The following IQCH variants were observed in gnomAD, a reference collection of about 807,000 sequenced individuals.
IQCH encodes the protein IQ motif containing H.
A neutral mutation model predicts 117.0 loss-of-function variants in IQCH; 98 were observed. That is an observed-to-expected ratio of 0.84 (90% CI 0.71 to 0.99). The LOEUF (loss-of-function observed/expected upper bound fraction) is 0.99. Among genes scored for constraint, IQCH ranks in the 50% least tolerant of loss-of-function variants. IQCH has a pLI of 0.00. For missense variants in IQCH, 1,102 were observed against 1,243.8 expected, an observed-to-expected ratio of 0.89 and a Z score of 1.72; for synonymous variants, 412 against 448.2, an observed-to-expected ratio of 0.92 and a Z score of 1.02.
At chr15:67,281,034 T>C (rs1966333702) in intron 4 of IQCH, among the ~76,000 whole-genome samples, 1 of 152,048 alleles carries the variant, frequency 6.6e-6, no homozygotes, top group Non-Finnish European at 1.5e-5. Flanking sequence ...TTAGTAGAGA[T>C]GGGGTTTCAC....
At position 67,465,214 on chromosome 15, in the gene IQCH, T is replaced by C. The variant is rs1430368089; in HGVS notation, c.2593T>C (p.Cys865Arg). 1 of 1,614,168 alleles carries C rather than the reference T, an allele frequency of 6.2e-7. No individual in the cohort carries two copies. ...ATACCTGACAAACGGCCATCTGGAT[T>C]GCAGTTTGAGCACCCTGGAAGTGCC... is the stretch of plus-strand genomic sequence containing the variant. ...TLYLTNGHLDCSLSTLEVPRF... is the reference protein window; with the variant it reads ...TLYLTNGHLDRSLSTLEVPRF... Residue 865 changes from cysteine to arginine, a missense_variant, in exon 17 of 21, where the codon TGC (cysteine) becomes CGC (arginine). This residue lies in a region of IQCH where 650 missense variants were observed against 794.3 expected (regional missense o/e 0.82). Coordinates refer to ENST00000335894, the MANE Select transcript of IQCH (RefSeq NM_001031715.3). This position sits in a 1 kb window ranked among gnomAD's most constrained non-coding sequence, Gnocchi z 5.9.
chr15:67,287,339 G>A (rs184803293), intron 4 of IQCH, among the ~76,000 whole-genome samples: 1 of 152,266 alleles, frequency 6.6e-6, no homozygotes, highest in East Asian at 1.9e-4. Context: ...GTTTGAGTAG[G>A]ATTGGTATTA....
chr15:67,350,075 G>C (rs1030364516), intron 6 of IQCH, among the ~76,000 whole-genome samples: 1 of 152,084 alleles, frequency 6.6e-6, no homozygotes, highest in Non-Finnish European at 1.5e-5. Flanking sequence ...TGTATATGAA[G>C]GTTTGTAATA....
intron 4 of IQCH, among the ~76,000 whole-genome samples, chr15:67,288,092 G>C (rs1011580266): frequency 6.6e-6 from 1 of 151,886 alleles, no homozygotes; most frequent in African/African-American, 2.4e-5. Flanking sequence ...TTATTCCATT[G>C]TGGTCAGAGA....
intron 13 of IQCH, among the ~76,000 whole-genome samples, chr15:67,398,484 G>A (rs1472865863): frequency 6.6e-6 from 1 of 152,118 alleles, no homozygotes; most frequent in Non-Finnish European, 1.5e-5. Context: ...TAATTAGGGA[G>A]CTAAGACAAT....
At chr15:67,299,582 C>G (rs1203970452) in intron 4 of IQCH, among the ~76,000 whole-genome samples, 1 of 151,842 alleles carries the variant, frequency 6.6e-6, no homozygotes, top group African/African-American at 2.4e-5. Flanking sequence ...ACTAGGTATC[C>G]ACAAAAATTA....
At chr15:67,304,418 G>A in intron 4 of IQCH, 1 of 1,531,590 alleles carries the variant, frequency 6.5e-7, no homozygotes, top group Non-Finnish European at 8.8e-7. Flanking sequence ...GCGAACTATG[G>A]AATCAGTTTG....
At chr15:67,280,934 C>T (rs1033749542) in intron 4 of IQCH, among the ~76,000 whole-genome samples, 3 of 152,084 alleles carry the variant, frequency 2.0e-5, no homozygotes, top group African/African-American at 7.3e-5. Context: ...GCAACCTCTG[C>T]CCCTCAGGTT....
In IQCH at chr15:67,287,506, A is replaced by G. The variant is rs142705942; in HGVS notation, c.387+7994A>G. Among the ~76,000 whole-genome samples, 766 of 152,248 alleles carry G rather than the reference A, an allele frequency of 5.0e-3. 8 individuals carry two copies. The highest frequency in any genetic ancestry group is 0.018 in the African/African-American group (733 of 41,552). On this transcript the variant is annotated intron_variant, in intron 4 of 20. Transcript: ENST00000335894. ...TCATGGTTTAGACATAGTAGGGTGT[A>G]TATGTCTAGAAATTTATACATTTCT...
Position 67,366,618 on chromosome 15 carries a change from A to G in IQCH, c.754-5493A>G, listed in dbSNP as rs1368483432. 6.6e-6 allele frequency among the ~76,000 whole-genome samples: 1 copy of G among 152,192 alleles called. No individual in the cohort carries two copies. The highest frequency in any genetic ancestry group is 1.5e-5 in the Non-Finnish European group (1 of 68,042). ...CCTTTACGCTCAAGTCTCTTCTTTT[A>G]TATATCTCTGCTCGATGAGTTCTGT... On this transcript the variant is annotated intron_variant, in intron 8 of 20. Transcript: ENST00000335894. The surrounding 1 kb of genome is among the most constrained non-coding windows in gnomAD (Gnocchi z 4.4).
chr15:67,325,342 G>A (rs192361222), intron 4 of IQCH, among the ~76,000 whole-genome samples: 17 of 151,864 alleles, frequency 1.1e-4, no homozygotes, highest in African/African-American at 3.9e-4. Context: ...CTTAAAATAT[G>A]TATAACACAT....
chr15:67,423,425 C>T (rs909327754), intron 16 of IQCH, among the ~76,000 whole-genome samples: 2 of 151,744 alleles, frequency 1.3e-5, no homozygotes, highest in African/African-American at 4.8e-5. Flanking sequence ...AAAAATTAGC[C>T]GGGCATAGTG....
At chr15:67,291,487 A>T (rs979872682) in intron 4 of IQCH, among the ~76,000 whole-genome samples, 2 of 152,220 alleles carry the variant, frequency 1.3e-5, no homozygotes, top group East Asian at 3.8e-4. Flanking sequence ...CATAAAAAAA[A>T]TACTGTGCTC....
intron 3 of IQCH, among the ~76,000 whole-genome samples, chr15:67,275,929 T>C (rs1966103593): frequency 6.6e-6 from 1 of 152,212 alleles, no homozygotes; most frequent in Non-Finnish European, 1.5e-5. Flanking sequence ...AAGAATTATC[T>C]TAGGAACTAA....
chr15:67,387,784 A>G lies in IQCH; in HGVS notation c.1457-1047A>G, dbSNP rs1971153858. Among the ~76,000 whole-genome samples the G allele has an allele frequency of 6.6e-6, 1 of 152,218 alleles. No homozygotes were observed. The highest frequency in any genetic ancestry group is 2.1e-4 in the South Asian group (1 of 4,834). ...GTTTTGTTCCCCTTTTTACAGATGA[A>G]GAAATGAATGCTTAGAAAGGTTAAA... On this transcript the variant is annotated intron_variant, in intron 11 of 20. Coordinates refer to ENST00000335894, the MANE Select transcript of IQCH (RefSeq NM_001031715.3). The surrounding 1 kb of genome is among the most constrained non-coding windows in gnomAD (Gnocchi z 4.8).
chr15:67,445,562 C>A lies in IQCH; in HGVS notation c.2506-19565C>A, dbSNP rs975757686. 9.2e-5 allele frequency among the ~76,000 whole-genome samples: 14 copies of A among 152,138 alleles called. No individual in the cohort carries two copies. The highest frequency in any genetic ancestry group is 1.5e-4 in the Non-Finnish European group (10 of 68,024). ...CAAGCAATTCTTCTGCCTCAGCCTC[C>A]CAAGTAGCTGGGGTTGCAGGTGTGT... On this transcript the variant is annotated intron_variant, in intron 16 of 20. Coordinates refer to ENST00000335894, the MANE Select transcript of IQCH (RefSeq NM_001031715.3). The surrounding 1 kb of genome is among the most constrained non-coding windows in gnomAD (Gnocchi z 4.3).
At position 67,425,957 on chromosome 15, in the gene IQCH, A is replaced by G. The variant is rs1225258194; in HGVS notation, c.2505+4380A>G. Among the ~76,000 whole-genome samples the G allele has an allele frequency of 6.6e-6, 1 of 152,126 alleles. No individual in the cohort carries two copies. The highest frequency in any genetic ancestry group is 1.5e-5 in the Non-Finnish European group (1 of 68,022). On this transcript the variant is annotated intron_variant, in intron 16 of 20. Coordinates refer to ENST00000335894, the MANE Select transcript of IQCH (RefSeq NM_001031715.3). This position sits in a 1 kb window ranked among gnomAD's most constrained non-coding sequence, Gnocchi z 5.5. ...GTATTTTGATACTTTCATTGTTTTG[A>G]TGCTCAGTTGTTCCAGATTTGGCCA...
In IQCH at chr15:67,479,199, AC is replaced by A. The variant is rs779316198; in HGVS notation, c.2799+3382del. Reference sequence around the variant, plus strand: ...TACTGGCCTCTGAGCTGAGCACTTTACTTCATTATCTCATTTATTCTTCATG... The same window carrying A: ...TACTGGCCTCTGAGCTGAGCACTTTATTCATTATCTCATTTATTCTTCATG... On this transcript the variant is annotated intron_variant, in intron 18 of 20. Coordinates refer to ENST00000335894, the MANE Select transcript of IQCH (RefSeq NM_001031715.3). This position sits in a 1 kb window ranked among gnomAD's most constrained non-coding sequence, Gnocchi z 4.6. Among the ~76,000 whole-genome samples the A allele has an allele frequency of 2.2e-4, 33 of 152,202 alleles. No homozygotes were observed. The highest frequency in any genetic ancestry group is 9.2e-4 in the Admixed American group (14 of 15,274).
rs779793418 is a variant in IQCH, at chr15:67,372,322, A to G, written c.965A>G (p.Asn322Ser). The G allele has an allele frequency of 6.2e-7, 1 of 1,614,090 alleles. No individual in the cohort carries two copies. Among genetic ancestry groups the G allele is most frequent in the Non-Finnish European group, 8.5e-7 (1 of 1,180,012 alleles). Residue 322 changes from asparagine (N) to serine (S), a missense_variant, in exon 9 of 21, where the codon AAT (asparagine) becomes AGT (serine). Coordinates refer to ENST00000335894, the MANE Select transcript of IQCH (RefSeq NM_001031715.3). The part of the protein sequence containing the change: ...YAIPEVKIKG[N>S]NLVALLPEFE... ...ATACCAGAAGTCAAAATAAAAGGGA[A>G]TAATTTGGTGGCCCTCCTTCCAGAG... is the stretch of plus-strand genomic sequence containing the variant.
Sources: gnomAD v4.1 joint callset for allele counts (sites outside exome capture counted in the v4.1 genomes callset) on GRCh38, gnomAD v4.1.1 for gene constraint, gnomAD v4.1.1 regional missense constraint, Gnocchi (gnomAD v3.1) non-coding constraint, MANE v1.5 for transcripts, NCBI Gene and HGNC (gene_info 2026-07-23, HGNC 2026-07-21) for gene names.